Variants in GSK3B observed in about 807,000 individuals in gnomAD.
The protein encoded by GSK3B is glycogen synthase kinase-3 beta.
A neutral mutation model predicts 56.4 loss-of-function variants in GSK3B; 15 were observed. That is an observed-to-expected ratio of 0.27 (90% CI 0.18 to 0.41). The LOEUF is 0.41. Ranked by LOEUF, GSK3B falls within the 10% of genes least tolerant of loss-of-function variation. The pLI is 1.00. For synonymous variants in GSK3B, 181 were observed against 188.9 expected, an observed-to-expected ratio of 0.96 and a Z score of 0.34; for missense variants, 300 against 513.4, an observed-to-expected ratio of 0.58 and a Z score of 4.02.
intron 3 of GSK3B, among the ~76,000 whole-genome samples, chr3:119,928,344 G>A (rs1275778672): frequency 6.6e-6 from 1 of 152,094 alleles, no homozygotes; most frequent in African/African-American, 2.4e-5. Flanking sequence ...GGTGGCTCAC[G>A]CCTGTAATCC....
rs1186965017 is a variant in GSK3B at position 119,825,812 on chromosome 3, T to G, written c.*976A>C. 1 of 219,994 alleles carries G rather than the reference T, an allele frequency of 4.5e-6. No individual in the cohort carries two copies. Among genetic ancestry groups the G allele is most frequent in the East Asian group, 6.7e-5 (1 of 14,890 alleles). 13.6% of individuals were successfully genotyped at this position (219,994 alleles called of 1,614,324 possible). On this transcript the variant is annotated 3_prime_UTR_variant, in exon 11 of 11. Coordinates refer to ENST00000264235, the MANE Select transcript of GSK3B (RefSeq NM_001146156.2). Reference sequence around the variant, plus strand: ...TATTTAACTACAATGTCCTCTCAAGTGTATCTTTCCAAGGGAAGTAACTTT... The same window carrying G: ...TATTTAACTACAATGTCCTCTCAAGGGTATCTTTCCAAGGGAAGTAACTTT...
intron 1 of GSK3B, among the ~76,000 whole-genome samples, chr3:120,049,410 T>G (rs375898226): frequency 6.6e-6 from 1 of 152,138 alleles, no homozygotes; most frequent in East Asian, 1.9e-4. Flanking sequence ...GTAGAGGGTA[T>G]GAAGGAAGCA....
Position 120,093,667 on chromosome 3 carries a change from T to A in GSK3B, c.-233A>T, listed in dbSNP as rs1559911276. On this transcript the variant is annotated 5_prime_UTR_variant, in exon 1 of 11. Coordinates refer to ENST00000264235, the MANE Select transcript of GSK3B (RefSeq NM_001146156.2). Reference sequence around the variant, plus strand: ...CACGGATATTTAACATATAGATGATTTAGGACTTGGGAAAAAATACAATTC... The same window carrying A: ...CACGGATATTTAACATATAGATGATATAGGACTTGGGAAAAAATACAATTC... 1 of 407,724 alleles carries A rather than the reference T, an allele frequency of 2.5e-6. No homozygotes were observed. Among genetic ancestry groups the A allele is most frequent in the Non-Finnish European group, 4.4e-6 (1 of 227,552 alleles). The allele number at this position is 407,724 out of a possible 1,614,324, so 25.3% of individuals were successfully genotyped here.
At chr3:119,950,775 T>C (rs2057149685) in intron 2 of GSK3B, among the ~76,000 whole-genome samples, 1 of 152,224 alleles carries the variant, frequency 6.6e-6, no homozygotes, top group Non-Finnish European at 1.5e-5. Flanking sequence ...GAAGCATTTA[T>C]TCTTGAAAAG....
chr3:120,006,327 ACC>A (rs1251473765), intron 1 of GSK3B, among the ~76,000 whole-genome samples: 3 of 152,126 alleles, frequency 2.0e-5, no homozygotes, highest in African/African-American at 7.2e-5. Flanking sequence ...AGACTTTAAC[ACC>A]CCACTGTCAA....
At chr3:120,052,142 T>C (rs949342629) in intron 1 of GSK3B, among the ~76,000 whole-genome samples, 27 of 152,200 alleles carry the variant, frequency 1.8e-4, no homozygotes, top group African/African-American at 6.0e-4. Context: ...AAAACAGGAT[T>C]TTCCATCCAT....
intron 6 of GSK3B, among the ~76,000 whole-genome samples, chr3:119,907,168 TTTAAAACATCCC>T (rs2056690935): frequency 6.6e-6 from 1 of 152,092 alleles, no homozygotes; most frequent in African/African-American, 2.4e-5. Flanking sequence ...TAATCTAAGT[TTTAAAACATCCC>T]TTTACCTAGT....
intron 9 of GSK3B, among the ~76,000 whole-genome samples, chr3:119,856,410 T>A (rs757937451): frequency 6.6e-6 from 1 of 152,192 alleles, no homozygotes; most frequent in Non-Finnish European, 1.5e-5. Context: ...TGTTTGATTG[T>A]TTGTTCCTAC....
chr3:120,000,351 A>G (rs149335276), intron 2 of GSK3B, among the ~76,000 whole-genome samples: 4 of 152,356 alleles, frequency 2.6e-5, no homozygotes, highest in African/African-American at 7.2e-5. Flanking sequence ...CAATATTCAG[A>G]TATCAAGATC....
intron 6 of GSK3B, among the ~76,000 whole-genome samples, chr3:119,912,274 ATAT>A (rs965891227): frequency 3.9e-5 from 6 of 152,174 alleles, no homozygotes; most frequent in Non-Finnish European, 7.3e-5. Context: ...TTGCTGTCTT[ATAT>A]TGTTGTGGTT....
intron 2 of GSK3B, among the ~76,000 whole-genome samples, chr3:119,990,831 G>A (rs2057557723): frequency 6.6e-6 from 1 of 151,880 alleles, no homozygotes; most frequent in African/African-American, 2.4e-5. Context: ...GGGAAGCTGA[G>A]GCAGGAGAAT....
At chr3:119,989,216 G>A (rs1382754869) in intron 2 of GSK3B, among the ~76,000 whole-genome samples, 2 of 152,030 alleles carry the variant, frequency 1.3e-5, no homozygotes, top group Non-Finnish European at 2.9e-5. Context: ...GTGAATCCAC[G>A]GAACCCAGGG....
intron 7 of GSK3B, among the ~76,000 whole-genome samples, chr3:119,894,318 T>C (rs905402267): frequency 1.3e-5 from 2 of 152,172 alleles, no homozygotes; most frequent in Admixed American, 6.6e-5. Flanking sequence ...ACTCAATGTT[T>C]AATAGTTTGA....
chr3:120,039,143 T>C lies in GSK3B; in HGVS notation c.89-36904A>G, dbSNP rs150557109. On this transcript the variant is annotated intron_variant, in intron 1 of 10. Transcript: ENST00000264235. The stretch of plus-strand genomic sequence containing the variant: ...TGTAAATTAAAACAATGCCATACCA[T>C]TATACATCCACTGGAACAGAATGGC... Among the ~76,000 whole-genome samples the C allele has an allele frequency of 3.1e-3, 470 of 152,298 alleles. 2 individuals carry two copies. Among genetic ancestry groups the C allele is most frequent in the African/African-American group, 0.011 (456 of 41,562 alleles).
At chr3:119,975,963 A>C (rs1474081771) in intron 2 of GSK3B, among the ~76,000 whole-genome samples, 2 of 152,200 alleles carry the variant, frequency 1.3e-5, no homozygotes, top group Non-Finnish European at 2.9e-5. Context: ...ACCACCAATA[A>C]GCACATGAAA....
At chr3:119,899,884 G>A (rs1408827338) in intron 7 of GSK3B, among the ~76,000 whole-genome samples, 1 of 151,742 alleles carries the variant, frequency 6.6e-6, no homozygotes, top group African/African-American at 2.4e-5. Flanking sequence ...CTACGGATAG[G>A]CATCATAAGA....
intron 6 of GSK3B, among the ~76,000 whole-genome samples, chr3:119,909,821 C>G (rs1023593285): frequency 1.2e-4 from 18 of 152,026 alleles, no homozygotes; most frequent in Non-Finnish European, 1.5e-5. Flanking sequence ...CTAATGGTCT[C>G]TATTCAGTTC....
At chr3:120,040,737 A>C (rs561924713) in intron 1 of GSK3B, among the ~76,000 whole-genome samples, 2 of 152,058 alleles carry the variant, frequency 1.3e-5, no homozygotes, top group African/African-American at 4.8e-5. Flanking sequence ...AGATAATAAA[A>C]GGTTAGAAAA....
intron 2 of GSK3B, among the ~76,000 whole-genome samples, chr3:119,967,864 C>T (rs1165543978): frequency 7.4e-6 from 1 of 135,032 alleles, no homozygotes; most frequent in East Asian, 2.2e-4. Flanking sequence ...CTCTCTCTCT[C>T]TCCTTTCTTT....
Sources: gnomAD v4.1 joint callset for allele counts (sites outside exome capture counted in the v4.1 genomes callset) on GRCh38, gnomAD v4.1.1 for gene constraint, MANE v1.5 for transcripts, NCBI Gene and HGNC (gene_info 2026-07-23, HGNC 2026-07-21) for gene names.